Variants in TRIM2 observed in about 807,000 individuals in gnomAD.
The protein encoded by TRIM2 is tripartite motif containing 2.
In TRIM2, 20 loss-of-function variants were observed where a neutral mutation model predicts 75.2. The observed-to-expected ratio is 0.27, with a 90% CI of 0.19 to 0.39. The LOEUF is 0.39. TRIM2 is among the 10% of genes least tolerant of loss of function. The pLI, the probability that TRIM2 is intolerant of heterozygous loss-of-function variation, is 1.00. For synonymous variants in TRIM2, 373 were observed against 388.3 expected, an observed-to-expected ratio of 0.96 and a Z score of 0.46; for missense variants, 660 against 990.8, an observed-to-expected ratio of 0.67 and a Z score of 4.48.
chr4:153,297,812 A>G (rs1393203868), intron 6 of TRIM2, among the ~76,000 whole-genome samples: 2 of 152,344 alleles, frequency 1.3e-5, no homozygotes, highest in East Asian at 1.9e-4. Context: ...TCTCCTCTGT[A>G]AAACAAAGGG....
intron 1 of TRIM2, among the ~76,000 whole-genome samples, chr4:153,241,438 G>A (rs1359301967): frequency 6.6e-6 from 1 of 152,202 alleles, no homozygotes; most frequent in African/African-American, 2.4e-5. Flanking sequence ...TTGTGGGCGA[G>A]ACACCTCTAA....
At chr4:153,247,898 A>G (rs906115707) in intron 1 of TRIM2, among the ~76,000 whole-genome samples, 1 of 151,878 alleles carries the variant, frequency 6.6e-6, no homozygotes. Context: ...ATTATCAGTC[A>G]TTTCTAAAGG....
intron 1 of TRIM2, among the ~76,000 whole-genome samples, chr4:153,172,098 T>C (rs2149614461): frequency 6.6e-6 from 1 of 152,024 alleles, no homozygotes; most frequent in South Asian, 2.1e-4. Context: ...GTTATGTCTC[T>C]TGTATTTTCT....
At chr4:153,214,358 A>G (rs902187306) in intron 1 of TRIM2, among the ~76,000 whole-genome samples, 4 of 152,204 alleles carry the variant, frequency 2.6e-5, no homozygotes, top group African/African-American at 9.6e-5. Flanking sequence ...GAGAGCTTGG[A>G]TTTAAGAGAT....
chr4:153,242,630 G>C (rs751847927), intron 1 of TRIM2, among the ~76,000 whole-genome samples: 1 of 152,196 alleles, frequency 6.6e-6, no homozygotes, highest in Non-Finnish European at 1.5e-5. Context: ...ACCTTTGCTT[G>C]TTGTATTCCC....
intron 1 of TRIM2, among the ~76,000 whole-genome samples, chr4:153,192,149 C>T (rs1733258673): frequency 6.6e-6 from 1 of 152,226 alleles, no homozygotes; most frequent in Non-Finnish European, 1.5e-5. Context: ...CCCCAGGCAT[C>T]CCGCACCACA....
At chr4:153,297,171 A>G (rs985742905) in intron 6 of TRIM2, among the ~76,000 whole-genome samples, 1 of 152,210 alleles carries the variant, frequency 6.6e-6, no homozygotes, top group Non-Finnish European at 1.5e-5. Context: ...CTCAATGTTA[A>G]TGCTTCAGGC....
Position 153,270,473 on chromosome 4 carries a change from T to C in TRIM2, c.169T>C (p.Tyr57His). The change falls in exon 2 of 12, where the codon TAC becomes CAC. Residue 57 changes from tyrosine to histidine, a missense_variant. Tyr to His is a moderately conservative substitution (Grantham distance 83). Around this residue, in one of 2 missense-constraint regions of TRIM2, gnomAD observed 620 missense variants for 891.0 expected, o/e 0.70. Coordinates refer to ENST00000338700, the MANE Select transcript of TRIM2 (RefSeq NM_015271.5). ...FLICSICLERYKNPKVLPCLH... is the reference protein window; with the variant it reads ...FLICSICLERHKNPKVLPCLH... Reference sequence around the variant, plus strand: ...GATTTGCAGTATATGCCTGGAACGGTACAAGAATCCCAAGGTTCTCCCCTG... The same window carrying C: ...GATTTGCAGTATATGCCTGGAACGGCACAAGAATCCCAAGGTTCTCCCCTG... 6.2e-7 allele frequency: 1 copy of C among 1,613,488 alleles called. No homozygotes were observed.
intron 7 of TRIM2, 24 bp from the exon 8 acceptor site, chr4:153,315,808 C>A: frequency 6.2e-7 from 1 of 1,612,640 alleles, no homozygotes; most frequent in South Asian, 1.1e-5. Flanking sequence ...GTTCACATTC[C>A]AATGAATGTA....
Position 153,171,050 on chromosome 4 carries a change from T to A in TRIM2, c.-49+17780T>A, listed in dbSNP as rs1730799582. ...ATAGCTTTCATAGTCCCACCTTCCC[T>A]TTTTTAGTAAGGATGGGTTGCTAGC... is the stretch of plus-strand genomic sequence containing the variant. On this transcript the variant is annotated intron_variant, in intron 1 of 11. Transcript: ENST00000437508. 2.0e-5 allele frequency among the ~76,000 whole-genome samples: 3 copies of A among 152,210 alleles called. 1 individual carries two copies. Among genetic ancestry groups the A allele is most frequent in the Admixed American group, 1.3e-4 (2 of 15,278 alleles).
chr4:153,212,520 G>A (rs1417843495), intron 1 of TRIM2, among the ~76,000 whole-genome samples: 1 of 152,144 alleles, frequency 6.6e-6, no homozygotes, highest in Non-Finnish European at 1.5e-5. Context: ...AGCTGCACTC[G>A]TGGTGGTGTA....
At chr4:153,311,894 T>TATTTATTTA (rs1766408849) in intron 6 of TRIM2, among the ~76,000 whole-genome samples, 1 of 144,298 alleles carries the variant, frequency 6.9e-6, no homozygotes, top group African/African-American at 2.6e-5. Context: ...GTTTTTATTC[T>TATTTATTTA]TTTATTTATT....
chr4:153,241,496 G>T (rs1239764688), intron 1 of TRIM2, among the ~76,000 whole-genome samples: 1 of 152,194 alleles, frequency 6.6e-6, no homozygotes, highest in African/African-American at 2.4e-5. Context: ...TGCCATGAAG[G>T]ATTCAAAGGG....
At chr4:153,175,867 A>G (rs1731381688) in intron 1 of TRIM2, among the ~76,000 whole-genome samples, 1 of 152,124 alleles carries the variant, frequency 6.6e-6, no homozygotes, top group Non-Finnish European at 1.5e-5. Flanking sequence ...CTCTTAGGAA[A>G]TACACATTAA....
chr4:153,203,103 C>CA (rs200371158), upstream of TRIM2, among the ~76,000 whole-genome samples: 1,225 of 86,010 alleles, frequency 0.014, 9 homozygotes, highest in African/African-American at 0.018. Context: ...GACTCCATCT[C>CA]AAAAAAAAAA....
chr4:153,276,071 G>A lies in TRIM2; in HGVS notation c.394G>A (p.Glu132Lys), dbSNP rs748131237. The A allele has an allele frequency of 6.2e-7, 1 of 1,614,228 alleles. No individual in the cohort carries two copies. The highest frequency in any genetic ancestry group is 1.1e-5 in the South Asian group (1 of 91,074). Reference protein sequence around the residue: ...GSNAEESSILETVTAVAAGKP... With the variant: ...GSNAEESSILKTVTAVAAGKP... ...CAACGCTGAGGAGTCTTCCATCCTG[G>A]AGACAGTCACTGCTGTGGCTGCGGG... The change falls in exon 3 of 12, where the codon GAG becomes AAG. Residue 132 changes from glutamate to lysine, a missense_variant. Around this residue, in one of 2 missense-constraint regions of TRIM2, gnomAD observed 620 missense variants for 891.0 expected, o/e 0.70. Coordinates refer to ENST00000338700, the MANE Select transcript of TRIM2 (RefSeq NM_015271.5).
intron 10 of TRIM2, among the ~76,000 whole-genome samples, chr4:153,327,544 T>C (rs1476588671): frequency 6.6e-6 from 1 of 152,246 alleles, no homozygotes; most frequent in African/African-American, 2.4e-5. Context: ...CATCTAGGCA[T>C]CATGACAATG....
intron 1 of TRIM2, among the ~76,000 whole-genome samples, chr4:153,154,875 C>T (rs780509905): frequency 4.6e-5 from 7 of 152,150 alleles, no homozygotes. Context: ...CACAGTGGCT[C>T]ACGCCTGTAT....
chr4:153,154,910 C>T (rs1729086114), intron 1 of TRIM2, among the ~76,000 whole-genome samples: 1 of 152,176 alleles, frequency 6.6e-6, no homozygotes, highest in Non-Finnish European at 1.5e-5. Context: ...GAGGCCGAGG[C>T]AGGCGGATTA....
Sources: gnomAD v4.1 joint callset for allele counts (sites outside exome capture counted in the v4.1 genomes callset) on GRCh38, gnomAD v4.1.1 for gene constraint, gnomAD v4.1.1 regional missense constraint, MANE v1.5 for transcripts, NCBI Gene and HGNC (gene_info 2026-07-23, HGNC 2026-07-21) for gene names.